The following UBR2 variants were observed in gnomAD, a reference collection of about 807,000 sequenced individuals.
UBR2 encodes the protein ubiquitin protein ligase E3 component n-recognin 2, also known as E3 ubiquitin-protein ligase UBR2.
UBR2 carries 92 observed loss-of-function variants against 247.9 expected under a neutral mutation model. That is an observed-to-expected ratio of 0.37 (90% CI 0.31 to 0.44). The LOEUF (loss-of-function observed/expected upper bound fraction) is 0.44. Among genes scored for constraint, UBR2 ranks in the 20% least tolerant of loss-of-function variants. The pLI is 1.00. For synonymous variants in UBR2, 672 were observed against 693.5 expected (o/e 0.97, Z 0.49); for missense variants, 1,613 against 2,112.6 (o/e 0.76, Z 4.64).
chr6:42,574,873 A>G (rs1269519670), intron 2 of UBR2, among the ~76,000 whole-genome samples: 3 of 151,734 alleles, frequency 2.0e-5, no homozygotes, highest in Non-Finnish European at 4.4e-5. Flanking sequence ...TAATTTTTGT[A>G]TTTTTAATAG....
At chr6:42,684,975 A>C in intron 44 of UBR2, 104 bp downstream of exon 44, 1 of 950,174 alleles carries the variant, frequency 1.1e-6, no homozygotes, top group Non-Finnish European at 1.6e-6. Flanking sequence ...TAGAGAAATC[A>C]TATCTGTAGT....
At position 42,649,191 on chromosome 6, in the gene UBR2, A is replaced by G. The variant is rs563163730; in HGVS notation, c.2462+1021A>G. On this transcript the variant is annotated intron_variant, in intron 22 of 46. Coordinates refer to ENST00000372901, the MANE Select transcript of UBR2 (RefSeq NM_001363705.2). Reference sequence around the variant, plus strand: ...CCTGGCTAATTTTTGTATTTTTAGTAGACATGGGGTTTCACCATGTTGACC... The same window carrying G: ...CCTGGCTAATTTTTGTATTTTTAGTGGACATGGGGTTTCACCATGTTGACC... Among the ~76,000 whole-genome samples, 6 of 152,264 alleles carry G rather than the reference A, an allele frequency of 3.9e-5. No individual in the cohort carries two copies. In the East Asian group the frequency reaches 1.2e-3, roughly 29 times the overall value.
Position 42,632,724 on chromosome 6 carries a change from T to C in UBR2, c.1445+9T>C. 3 of 1,590,384 alleles carry C rather than the reference T, an allele frequency of 1.9e-6. No homozygotes were observed. The highest frequency in any genetic ancestry group is 1.7e-6 in the Non-Finnish European group (2 of 1,171,774). ...CTTATTTTAGATCTCAAGTAAGTTT[T>C]CATTTAATTATTAAACCAGTTGCAA... On this transcript the variant is annotated intron_variant, in intron 12 of 46. Coordinates refer to ENST00000372901, the MANE Select transcript of UBR2 (RefSeq NM_001363705.2).
At chr6:42,568,526 GA>G (rs771430151) in intron 1 of UBR2, among the ~76,000 whole-genome samples, 4 of 152,030 alleles carry the variant, frequency 2.6e-5, no homozygotes, top group Admixed American at 2.6e-4. Context: ...TCAGGAGATC[GA>G]GACCATCCTG....
At position 42,650,257 on chromosome 6, in the gene UBR2, A is replaced by G. The variant is rs754797818; in HGVS notation, c.2463-27A>G. ...TAAATTAGTGTATGGCTTTGGTAAT[A>G]ATATTCTAAGGTCCTTTCTTTCACA... On this transcript the variant is annotated intron_variant, in intron 22 of 46. Coordinates refer to ENST00000372901, the MANE Select transcript of UBR2 (RefSeq NM_001363705.2). The G allele has an allele frequency of 3.8e-6, 6 of 1,567,892 alleles. No individual in the cohort carries two copies. In the South Asian group the frequency reaches 5.6e-5, roughly 15 times the overall value.
rs1299443140 is a variant in UBR2, at chr6:42,692,918, C to A, written c.*1745C>A. On this transcript the variant is annotated 3_prime_UTR_variant, in exon 47 of 47. Coordinates refer to ENST00000372901, the MANE Select transcript of UBR2 (RefSeq NM_001363705.2). ...TCCACCTCTCTCCCCCTTTTTCTGG[C>A]CTTCATTCATAAGATCTGGTTGTTT... The A allele has an allele frequency of 1.3e-5, 2 of 152,090 alleles. No individual in the cohort carries two copies. Among genetic ancestry groups the A allele is most frequent in the African/African-American group, 4.8e-5 (2 of 41,404 alleles). The allele number at this position is 152,090 out of a possible 1,614,324, so 9.4% of individuals were successfully genotyped here. A position where few individuals can be genotyped will look rare whatever the true frequency, so the allele number is the denominator to read the frequency against.
At chr6:42,687,494 G>C (rs928666027) in intron 44 of UBR2, among the ~76,000 whole-genome samples, 1 of 152,022 alleles carries the variant, frequency 6.6e-6, no homozygotes, top group South Asian at 2.1e-4. Flanking sequence ...AGGGAGAGAA[G>C]AGAGGGAGAG....
intron 11 of UBR2, chr6:42,619,445 A>ATTTTTTTTTTTTTTT (rs1368973049): frequency 6.3e-5 from 2 of 31,940 alleles, no homozygotes; most frequent in African/African-American, 2.0e-4. Context: ...ATATATATAT[A>ATTTTTTTTTTTTTTT]TATATATATT....
At chr6:42,681,058 G>A (rs113296560) in intron 42 of UBR2, among the ~76,000 whole-genome samples, 3,659 of 151,932 alleles carry the variant, frequency 0.024, 136 homozygotes, top group African/African-American at 0.084. Flanking sequence ...AGCTACTCGG[G>A]AGGCTGAGGC....
intron 15 of UBR2, among the ~76,000 whole-genome samples, chr6:42,637,841 T>A (rs999751745): frequency 6.6e-6 from 1 of 152,230 alleles, no homozygotes; most frequent in Non-Finnish European, 1.5e-5. Context: ...TGCAGACTCA[T>A]TTCAGTACAG....
chr6:42,690,046 G>A (rs539764044), intron 46 of UBR2, among the ~76,000 whole-genome samples: 1 of 152,284 alleles, frequency 6.6e-6, no homozygotes, highest in African/African-American at 2.4e-5. Flanking sequence ...GCTAACAAAT[G>A]TGCTTATTAC....
chr6:42,641,325 G>A lies in UBR2; in HGVS notation c.1921-257G>A, dbSNP rs534439681. ...CTAAAAATACAAAAATTGGCCAAGC[G>A]TGTTGGCTTATGCCTGTACTCCCAG... is the stretch of plus-strand genomic sequence containing the variant. On this transcript the variant is annotated intron_variant, in intron 16 of 46. Transcript: ENST00000372901. Among the ~76,000 whole-genome samples, 346 of 152,100 alleles carry A rather than the reference G, an allele frequency of 2.3e-3. 1 individual carries two copies. The highest frequency in any genetic ancestry group is 3.4e-3 in the Non-Finnish European group (231 of 67,984).
In UBR2 at chr6:42,632,554, T is replaced by C; in HGVS notation, c.1284T>C (p.Ala428=). Residue 428 remains alanine (A), a splice_region_variant and synonymous_variant, in exon 12 of 47, where the codon GCT becomes GCC. Coordinates refer to ENST00000372901, the MANE Select transcript of UBR2 (RefSeq NM_001363705.2). ...ACTCTGATAAACTTTGTTTTTAGGC[T>C]CGAATGCTCATCACAGAAGAAAACT... is the stretch of plus-strand genomic sequence containing the variant. The part of the protein sequence containing the change: ...SVQIFTVPSL[A]RMLITEENLM... 6.3e-7 allele frequency: 1 copy of C among 1,597,980 alleles called. No individual in the cohort carries two copies. Among genetic ancestry groups the C allele is most frequent in the Non-Finnish European group, 8.5e-7 (1 of 1,173,808 alleles).
intron 22 of UBR2, 97 bp from the exon 23 acceptor site, chr6:42,650,187 A>G (rs1797033284): frequency 1.0e-6 from 1 of 995,272 alleles, no homozygotes; most frequent in South Asian, 1.6e-5. Flanking sequence ...CCAGCAGTAT[A>G]TGAGAGCTCT....
intron 25 of UBR2, among the ~76,000 whole-genome samples, chr6:42,653,787 T>C (rs1037949248): frequency 4.6e-5 from 7 of 151,966 alleles, no homozygotes; most frequent in African/African-American, 1.7e-4. Flanking sequence ...AGCTAATTTT[T>C]TGTATTTTTA....
Position 42,663,446 on chromosome 6 carries a change from A to G in UBR2, c.3698+27A>G, listed in dbSNP as rs1797934191. On this transcript the variant is annotated intron_variant, in intron 32 of 46. Coordinates refer to ENST00000372901, the MANE Select transcript of UBR2 (RefSeq NM_001363705.2). ...TAAGTTTTGGCTCATGACAACTATT[A>G]CAAAGCAATAGTTTGCTTTGAAGAT... 2.5e-6 allele frequency: 4 copies of G among 1,585,516 alleles called. No homozygotes were observed. The South Asian group carries it at 4.6e-5, about 18-fold the overall frequency.
chr6:42,655,218 C>G (rs1797367474), intron 25 of UBR2, among the ~76,000 whole-genome samples: 1 of 152,096 alleles, frequency 6.6e-6, no homozygotes, highest in Admixed American at 6.5e-5. Context: ...TGGCTCACGC[C>G]TTTAATCCCA....
intron 2 of UBR2, among the ~76,000 whole-genome samples, chr6:42,586,749 G>A (rs1216181269): frequency 6.6e-6 from 1 of 150,644 alleles, no homozygotes; most frequent in Non-Finnish European, 1.5e-5. Flanking sequence ...TAAAATAAAC[G>A]AACCTTGCAT....
At chr6:42,642,775 G>A (rs1461716424) in intron 18 of UBR2, among the ~76,000 whole-genome samples, 1 of 152,102 alleles carries the variant, frequency 6.6e-6, no homozygotes, top group Non-Finnish European at 1.5e-5. Context: ...AGTTGCTAAA[G>A]TCATATACCT....
Sources: gnomAD v4.1 joint callset for allele counts (sites outside exome capture counted in the v4.1 genomes callset) on GRCh38, gnomAD v4.1.1 for gene constraint, MANE v1.5 for transcripts, NCBI Gene and HGNC (gene_info 2026-07-23, HGNC 2026-07-21) for gene names.